The following KLHL1 variants were observed in gnomAD, a reference collection of about 807,000 sequenced individuals.
KLHL1 encodes the protein kelch like family member 1.
KLHL1 carries 47 observed loss-of-function variants against 77.7 expected under a neutral mutation model. The ratio of observed to expected loss-of-function variants is 0.60; its 90% CI spans 0.48 to 0.77. The LOEUF is 0.77. Ranked by LOEUF, KLHL1 falls within the 30% of genes least tolerant of loss-of-function variation. The pLI is 0.00. For synonymous variants in KLHL1, 360 were observed against 325.2 expected, an observed-to-expected ratio of 1.11 and a Z score of -1.15; for missense variants, 925 against 910.8, an observed-to-expected ratio of 1.02 and a Z score of -0.20.
At chr13:69,939,656 T>C (rs543884425) in intron 4 of KLHL1, among the ~76,000 whole-genome samples, 6 of 152,104 alleles carry the variant, frequency 3.9e-5, no homozygotes, top group African/African-American at 1.4e-4. Flanking sequence ...CATAAAGCCA[T>C]AAAGAAGCTT....
intron 1 of KLHL1, among the ~76,000 whole-genome samples, chr13:70,105,992 T>C (rs1029474027): frequency 6.6e-6 from 1 of 150,582 alleles, no homozygotes; most frequent in Admixed American, 6.6e-5. Flanking sequence ...AAAAAATATA[T>C]ATAATGTATA....
At chr13:69,886,276 AACT>A (rs1881214414) in intron 4 of KLHL1, among the ~76,000 whole-genome samples, 1 of 152,086 alleles carries the variant, frequency 6.6e-6, no homozygotes, top group African/African-American at 2.4e-5. Context: ...ATAAAGACTA[AACT>A]ACTATTTACT....
At chr13:70,045,185 A>C (rs1886465711) in intron 1 of KLHL1, among the ~76,000 whole-genome samples, 1 of 152,176 alleles carries the variant, frequency 6.6e-6, no homozygotes, top group African/African-American at 2.4e-5. Context: ...TTTCTAAGAA[A>C]AAAATAGATT....
intron 6 of KLHL1, among the ~76,000 whole-genome samples, chr13:69,834,943 T>C (rs1365454036): frequency 6.6e-6 from 1 of 152,174 alleles, no homozygotes; most frequent in Non-Finnish European, 1.5e-5. Context: ...GATGTTCTAA[T>C]TTAATACATG....
Position 69,739,321 on chromosome 13 carries a change from A to G in KLHL1, c.1802+1073T>C, listed in dbSNP as rs147832071. 1.3e-3 allele frequency among the ~76,000 whole-genome samples: 204 copies of G among 152,344 alleles called. 1 individual carries two copies. Among genetic ancestry groups the G allele is most frequent in the African/African-American group, 4.6e-3 (191 of 41,590 alleles). On this transcript the variant is annotated intron_variant, in intron 8 of 10. Transcript: ENST00000377844. ...ACACACTTAACTATACAGACCAGTG[A>G]CACTATGAAGCTACTACATAGACAA...
rs1390102043 is a variant in KLHL1 at position 69,989,782 on chromosome 13, G to C, written c.498-13980C>G. ...TGGCGTGGGTGTTGTTAGTGTATAG[G>C]AATGCTACTGATTTTTGTATATTGA... On this transcript the variant is annotated intron_variant, in intron 1 of 10. Transcript: ENST00000377844. Among the ~76,000 whole-genome samples, 4 of 151,874 alleles carry C rather than the reference G, an allele frequency of 2.6e-5. No individual in the cohort carries two copies. The South Asian group carries it at 8.3e-4, about 32-fold the overall frequency.
chr13:69,718,622 T>C (rs776852079), intron 9 of KLHL1, among the ~76,000 whole-genome samples: 2 of 152,108 alleles, frequency 1.3e-5, no homozygotes, highest in Non-Finnish European at 2.9e-5. Context: ...ATAGGAAATA[T>C]TACCATGATC....
At chr13:69,926,076 G>A (rs1260840966) in intron 4 of KLHL1, among the ~76,000 whole-genome samples, 2 of 152,134 alleles carry the variant, frequency 1.3e-5, no homozygotes, top group African/African-American at 4.8e-5. Flanking sequence ...ATATTCTATA[G>A]TTGTAAATAT....
chr13:70,058,136 T>C (rs146455026), intron 1 of KLHL1, among the ~76,000 whole-genome samples: 187 of 152,300 alleles, frequency 1.2e-3, no homozygotes, highest in African/African-American at 4.2e-3. Context: ...AGTATCATAC[T>C]GAATGCAGAA....
intron 5 of KLHL1, among the ~76,000 whole-genome samples, chr13:69,867,883 A>G (rs1880426505): frequency 6.6e-6 from 1 of 150,548 alleles, no homozygotes; most frequent in Admixed American, 6.6e-5. Flanking sequence ...GGATAGCATT[A>G]GGAGATATAC....
At chr13:69,936,363 T>C (rs1593965495) in intron 4 of KLHL1, among the ~76,000 whole-genome samples, 1 of 151,924 alleles carries the variant, frequency 6.6e-6, no homozygotes, top group Non-Finnish European at 1.5e-5. Context: ...CCAAGGCAGG[T>C]GGATGACCTA....
At chr13:70,041,015 T>C (rs1886366507) in intron 1 of KLHL1, among the ~76,000 whole-genome samples, 2 of 152,208 alleles carry the variant, frequency 1.3e-5, no homozygotes, top group Admixed American at 1.3e-4. Flanking sequence ...ACATCTCCAC[T>C]TTGTTAATGA....
chr13:69,771,628 A>C (rs1875570280), intron 7 of KLHL1, among the ~76,000 whole-genome samples: 1 of 152,196 alleles, frequency 6.6e-6, no homozygotes, highest in Non-Finnish European at 1.5e-5. Context: ...ATGAAAGTCT[A>C]ACTTGAGAAA....
chr13:69,739,615 T>C (rs1175024872), intron 8 of KLHL1, among the ~76,000 whole-genome samples: 4 of 152,152 alleles, frequency 2.6e-5, no homozygotes, highest in Non-Finnish European at 5.9e-5. Flanking sequence ...TCTGACAAAA[T>C]AGACTTTAAA....
At chr13:69,750,177 T>A (rs548188433) in intron 7 of KLHL1, among the ~76,000 whole-genome samples, 1 of 151,796 alleles carries the variant, frequency 6.6e-6, no homozygotes, top group Non-Finnish European at 1.5e-5. Context: ...AGTGGCTTCA[T>A]AATATATATA....
At chr13:69,922,596 T>C (rs1325453582) in intron 4 of KLHL1, among the ~76,000 whole-genome samples, 1 of 152,178 alleles carries the variant, frequency 6.6e-6, no homozygotes, top group African/African-American at 2.4e-5. Context: ...TAATAAAATG[T>C]TATTTCATTT....
chr13:70,078,166 C>T (rs1323863841), intron 1 of KLHL1, among the ~76,000 whole-genome samples: 3 of 151,394 alleles, frequency 2.0e-5, no homozygotes, highest in Non-Finnish European at 4.4e-5. Context: ...CTAGCATGCT[C>T]TAATGAAGGG....
chr13:70,098,973 A>C (rs1448618027), intron 1 of KLHL1, among the ~76,000 whole-genome samples: 1 of 151,916 alleles, frequency 6.6e-6, no homozygotes, highest in Non-Finnish European at 1.5e-5. Context: ...GTCAATATTT[A>C]ATAAATTTAC....
At chr13:69,773,084 G>A (rs1284322649) in intron 7 of KLHL1, among the ~76,000 whole-genome samples, 1 of 151,974 alleles carries the variant, frequency 6.6e-6, no homozygotes, top group Non-Finnish European at 1.5e-5. Flanking sequence ...AAAACCCTAA[G>A]GTTTGGAAAG....
Sources: allele counts gnomAD v4.1 joint callset (sites outside exome capture counted in the v4.1 genomes callset), GRCh38; gene constraint gnomAD v4.1.1; transcripts MANE v1.5; gene names NCBI Gene and HGNC (gene_info 2026-07-23, HGNC 2026-07-21).